PEAK1: variants seen among roughly 807,000 people sequenced by gnomAD.
PEAK1 encodes pseudopodium enriched atypical kinase 1.
PEAK1 carries 54 observed loss-of-function variants against 124.7 expected under a neutral mutation model. The observed-to-expected ratio is 0.43, with a 90% CI of 0.35 to 0.54. The LOEUF (loss-of-function observed/expected upper bound fraction) is 0.54. PEAK1 is among the 20% of genes least tolerant of loss of function. PEAK1 has a pLI of 0.01. For missense variants in PEAK1, 2,046 were observed against 2,134.5 expected (o/e 0.96, Z 0.82); for synonymous variants, 719 against 760.0 (o/e 0.95, Z 0.89).
intron 2 of PEAK1, among the ~76,000 whole-genome samples, chr15:77,306,784 C>T (rs2064131340): frequency 1.3e-5 from 2 of 152,040 alleles, no homozygotes; most frequent in African/African-American, 4.8e-5. Flanking sequence ...GTTAAAAGGC[C>T]AGTTAAAGGA....
intron 1 of PEAK1, among the ~76,000 whole-genome samples, chr15:77,411,433 A>C (rs530772440): frequency 6.6e-6 from 1 of 152,342 alleles, no homozygotes; most frequent in East Asian, 1.9e-4. Flanking sequence ...ACAACCTCCG[A>C]AACTAATGTT....
intron 2 of PEAK1, chr15:77,349,223 T>C: frequency 2.3e-6 from 1 of 427,754 alleles, no homozygotes; most frequent in South Asian, 9.8e-5. Flanking sequence ...GTATTTTTAG[T>C]AGAGACGGGG....
chr15:77,173,515 T>C (rs1030330897), intron 7 of PEAK1, among the ~76,000 whole-genome samples: 6 of 152,176 alleles, frequency 3.9e-5, no homozygotes, highest in African/African-American at 1.2e-4. Context: ...TATGTCATTA[T>C]TAACTATGGT....
At chr15:77,417,056 G>C (rs996293638) in intron 1 of PEAK1, among the ~76,000 whole-genome samples, 8 of 151,912 alleles carry the variant, frequency 5.3e-5, no homozygotes, top group Non-Finnish European at 1.0e-4. Context: ...TTGAAGATTA[G>C]CTCAGGTAAC....
Position 77,158,610 on chromosome 15 carries a change from G to T in PEAK1, c.3224C>A (p.Ser1075Ter). 1 of 1,614,072 alleles carries T rather than the reference G, an allele frequency of 6.2e-7. No individual in the cohort carries two copies. Among genetic ancestry groups the T allele is most frequent in the Non-Finnish European group, 8.5e-7 (1 of 1,179,918 alleles). ...AGGTAGGGACAATGCTGTTGTGACT[G>T]AAGTGCAGCCCCTGCCATCTTGCTT... is the stretch of plus-strand genomic sequence containing the variant. ...VGKQDGRGCTSVTTALSLPEL... is the reference protein window; with the variant it reads ...VGKQDGRGCT Residue 1075 changes from serine (S) to a stop codon, truncating the protein, a stop_gained, in exon 8 of 10, where the codon TCA becomes TAA. Coordinates refer to ENST00000682557, the MANE Select transcript of PEAK1 (RefSeq NM_001385026.1). LOFTEE classifies it high-confidence loss of function.
intron 6 of PEAK1, among the ~76,000 whole-genome samples, chr15:77,182,388 T>C (rs1365017886): frequency 1.3e-5 from 2 of 152,092 alleles, no homozygotes; most frequent in Non-Finnish European, 2.9e-5. Context: ...TATAGATTCC[T>C]CTTCTTCCAC....
chr15:77,230,676 T>C lies in PEAK1; in HGVS notation c.-115+21691A>G, dbSNP rs1462385509. ...AATTTGGAAAGCAAGGTGGGATGACTGCTAAAGGCCAGGAGTTTGAGACCA... is the reference window on the plus strand; with the variant it reads ...AATTTGGAAAGCAAGGTGGGATGACCGCTAAAGGCCAGGAGTTTGAGACCA... On this transcript the variant is annotated intron_variant, in intron 6 of 9. Transcript: ENST00000682557. Among the ~76,000 whole-genome samples the C allele has an allele frequency of 7.9e-5, 12 of 152,188 alleles. No individual in the cohort carries two copies. In the East Asian group the frequency reaches 2.1e-3, roughly 27 times the overall value.
At chr15:77,152,258 T>C (rs1288507802) in intron 8 of PEAK1, among the ~76,000 whole-genome samples, 3 of 152,170 alleles carry the variant, frequency 2.0e-5, no homozygotes, top group Admixed American at 1.3e-4. Flanking sequence ...CAATTGTGAA[T>C]GGGAGTTCAC....
In PEAK1 at chr15:77,180,775, C is replaced by T. The variant is rs917379515; in HGVS notation, c.1152G>A (p.Glu384=). ...TACTAGAGGGACTTTCATAATTGGG[C>T]TCAATTTCCTTCATGTCCTTAGAAT... ...PGDSKDMKEI[E]PNYESPSSNN... Residue 384 remains glutamate (E), a synonymous_variant, in exon 7 of 10, where the codon GAG becomes GAA. Coordinates refer to ENST00000682557, the MANE Select transcript of PEAK1 (RefSeq NM_001385026.1). The T allele has an allele frequency of 1.2e-6, 2 of 1,613,984 alleles. No individual in the cohort carries two copies. The highest frequency in any genetic ancestry group is 2.2e-5 in the South Asian group (2 of 91,066).
chr15:77,346,206 T>C, intron 2 of PEAK1: 1 of 951,586 alleles, frequency 1.1e-6, no homozygotes, highest in African/African-American at 1.8e-5. Flanking sequence ...ATAAAGTCAT[T>C]TCAATAGAAC....
chr15:77,246,251 C>T (rs769494855), intron 6 of PEAK1, among the ~76,000 whole-genome samples: 8 of 152,196 alleles, frequency 5.3e-5, no homozygotes, highest in Non-Finnish European at 1.2e-4. Context: ...TCATGATCCG[C>T]CTGCCTCGGC....
intron 1 of PEAK1, among the ~76,000 whole-genome samples, chr15:77,389,419 T>C (rs1394377678): frequency 6.6e-6 from 1 of 152,252 alleles, no homozygotes; most frequent in Non-Finnish European, 1.5e-5. Flanking sequence ...ATTTGACCTT[T>C]CTGAGCCTTG....
At chr15:77,174,770 C>T (rs1050239506) in intron 7 of PEAK1, among the ~76,000 whole-genome samples, 36 of 152,190 alleles carry the variant, frequency 2.4e-4, no homozygotes, top group African/African-American at 8.7e-4. Context: ...TCATATGAAA[C>T]CAAAAAAGAG....
At chr15:77,382,761 T>C (rs2069589035) in intron 1 of PEAK1, among the ~76,000 whole-genome samples, 1 of 152,216 alleles carries the variant, frequency 6.6e-6, no homozygotes, top group Non-Finnish European at 1.5e-5. Context: ...TTGACAGTTT[T>C]ATGCACATTT....
At chr15:77,367,061 G>A (rs778175798) in intron 1 of PEAK1, among the ~76,000 whole-genome samples, 4 of 152,100 alleles carry the variant, frequency 2.6e-5, no homozygotes, top group African/African-American at 4.8e-5. Flanking sequence ...TTCAACCCGG[G>A]AGGCAGAGAT....
intron 2 of PEAK1, among the ~76,000 whole-genome samples, chr15:77,308,649 A>T (rs1280641901): frequency 6.6e-6 from 1 of 152,082 alleles, no homozygotes; most frequent in Non-Finnish European, 1.5e-5. Context: ...AATATTTATG[A>T]CACTGAGCAC....
chr15:77,405,671 G>A (rs1471717657), intron 1 of PEAK1, among the ~76,000 whole-genome samples: 3 of 152,076 alleles, frequency 2.0e-5, no homozygotes, highest in East Asian at 1.9e-4. Flanking sequence ...ATCAGCATTC[G>A]CATCTTAATA....
chr15:77,133,041 T>A lies in PEAK1; in HGVS notation c.4041A>T (p.Ser1347=), dbSNP rs1302571788. The part of the protein sequence containing the change: ...EAGDAVYYTA[S]YAKDPLNNYA... ...AGTTATTAAGTGGATCTTTTGCATA[T>A]GAAGCAGTATAGTAAACCGCATCAC... Residue 1347 remains serine (S), a synonymous_variant, in exon 9 of 10, where the codon TCA becomes TCT. Coordinates refer to ENST00000682557, the MANE Select transcript of PEAK1 (RefSeq NM_001385026.1). This position sits in a 1 kb window ranked among gnomAD's most constrained non-coding sequence, Gnocchi z 4.2. 1.2e-6 allele frequency: 2 copies of A among 1,612,500 alleles called. No individual in the cohort carries two copies. The highest frequency in any genetic ancestry group is 2.7e-5 in the African/African-American group (2 of 74,904).
At chr15:77,185,474 C>A (rs1469741694) in intron 6 of PEAK1, among the ~76,000 whole-genome samples, 2 of 152,128 alleles carry the variant, frequency 1.3e-5, no homozygotes, top group Non-Finnish European at 2.9e-5. Context: ...GAGGAAATGT[C>A]ATGAAGGAGA....
Sources: gnomAD v4.1 joint callset for allele counts (sites outside exome capture counted in the v4.1 genomes callset) on GRCh38, gnomAD v4.1.1 for gene constraint, Gnocchi (gnomAD v3.1) non-coding constraint, MANE v1.5 for transcripts, NCBI Gene and HGNC (gene_info 2026-07-23, HGNC 2026-07-21) for gene names.